The following FNDC8 variants were observed in gnomAD, a reference collection of about 807,000 sequenced individuals.
FNDC8 encodes fibronectin type III domain-containing protein 8.
Under a neutral mutation model 24.8 loss-of-function variants are expected in FNDC8, and 23 were observed. That is an observed-to-expected ratio of 0.93 (90% CI 0.67 to 1.31). The LOEUF (loss-of-function observed/expected upper bound fraction) is 1.31, where lower values mean the gene tolerates loss of function less well. FNDC8 is among the 40% of genes most tolerant of loss of function. The probability of loss-of-function intolerance (pLI) is 0.00; values close to 1 mark genes in which losing one functional copy is unlikely to be tolerated. For synonymous variants in FNDC8, 158 were observed against 165.3 expected, an observed-to-expected ratio of 0.96 and a Z score of 0.34; for missense variants, 371 against 398.2, an observed-to-expected ratio of 0.93 and a Z score of 0.58.
rs757559867 is a variant in FNDC8 at position 35,121,856 on chromosome 17, A to G, written c.163A>G (p.Lys55Glu). The G allele has an allele frequency of 6.2e-7, 1 of 1,613,616 alleles. No individual in the cohort carries two copies. Among genetic ancestry groups the G allele is most frequent in the Non-Finnish European group, 8.5e-7 (1 of 1,179,922 alleles). ...VTTKGLPLASKGNLVNFLEDD... is the reference protein window; with the variant it reads ...VTTKGLPLASEGNLVNFLEDD... The stretch of plus-strand genomic sequence containing the variant: ...TACCAAAGGACTCCCACTAGCCTCA[A>G]AGGGCAATTTGGTCAACTTCTTGGA... The change falls in exon 1 of 4, where the codon AAG becomes GAG. Residue 55 changes from lysine (K) to glutamate (E), a missense_variant. Lys to Glu is a moderately conservative substitution (Grantham distance 56). Transcript: ENST00000158009.
chr17:35,126,497 C>CATTTTTTTT lies in FNDC8; in HGVS notation c.210-545_210-544insATTTTTTTT, dbSNP rs1555571324. On this transcript the variant is annotated intron_variant, in intron 1 of 3. Coordinates refer to ENST00000158009, the MANE Select transcript of FNDC8 (RefSeq NM_017559.4). ...AACACTTGCATCAGGATTTTCTAAGCTTTTTTTTTTTTTTTTTTTTTTTGA... is the reference window on the plus strand; with the variant it reads ...AACACTTGCATCAGGATTTTCTAAGCATTTTTTTTTTTTTTTTTTTTTTTTTTTTTTTGA... Among the ~76,000 whole-genome samples, 6 of 112,048 alleles carry CATTTTTTTT rather than the reference C, an allele frequency of 5.4e-5. 1 individual carries two copies. Among genetic ancestry groups the CATTTTTTTT allele is most frequent in the Non-Finnish European group, 3.6e-5 (2 of 55,106 alleles). 73.5% of individuals were successfully genotyped at this position (112,048 alleles called of 152,430 possible).
intron 1 of FNDC8, among the ~76,000 whole-genome samples, chr17:35,125,836 G>T (rs1388288763): frequency 4.6e-5 from 7 of 152,134 alleles, no homozygotes; most frequent in African/African-American, 1.7e-4. Context: ...TGATATTTTT[G>T]TATAAGTCTA....
intron 1 of FNDC8, 31 bp downstream of exon 1, chr17:35,121,933 CCCTCCCTCCCTCCCTT>C (rs777620966): frequency 5.0e-6 from 7 of 1,400,038 alleles, no homozygotes; most frequent in Admixed American, 3.5e-5. Context: ...CTCCCTCCCT[CCCTCCCTCCCTCCCTT>C]CCTTCCTCCC....
In FNDC8 at chr17:35,130,563, A is replaced by G. The variant is rs1207225228; in HGVS notation, c.*129A>G. The G allele has an allele frequency of 6.1e-6, 6 of 987,122 alleles. No homozygotes were observed. The highest frequency in any genetic ancestry group is 8.7e-6 in the Non-Finnish European group (6 of 685,916). The allele number at this position is 987,122 out of a possible 1,614,324, so 61.1% of individuals were successfully genotyped here. A position where few individuals can be genotyped will look rare whatever the true frequency, so the allele number is the denominator to read the frequency against. ...CGGGGTCTGGCAGAGTGGTATGGGC[A>G]CCCCACCCCTGGGCTGGGGCCAAGG... On this transcript the variant is annotated 3_prime_UTR_variant, in exon 4 of 4. Transcript: ENST00000158009.
chr17:35,127,318 G>A lies in FNDC8; in HGVS notation c.486G>A (p.Glu162=). 3 of 1,613,438 alleles carry A rather than the reference G, an allele frequency of 1.9e-6. No homozygotes were observed. Among genetic ancestry groups the A allele is most frequent in the Non-Finnish European group, 2.5e-6 (3 of 1,179,734 alleles). ...TGGACCTTGACAACCCTGAGCTGGA[G>A]ACAGAAACCTCCTCAACGCACTCAG... ...GLLDLDNPEL[E]TETSSTHSES... Residue 162 remains glutamate (E), a synonymous_variant, in exon 2 of 4, where the codon GAG becomes GAA. Transcript: ENST00000158009.
chr17:35,123,678 C>A (rs543393303), intron 1 of FNDC8, among the ~76,000 whole-genome samples: 2 of 151,912 alleles, frequency 1.3e-5, no homozygotes, highest in South Asian at 4.2e-4. Context: ...GTGGAGGTCG[C>A]AGTGAGCCAA....
chr17:35,126,999 T>C (rs745474694), intron 1 of FNDC8, 43 bp from the exon 2 acceptor site: 21 of 1,535,078 alleles, frequency 1.4e-5, no homozygotes, highest in Non-Finnish European at 1.8e-5. Context: ...CGGGCTGGGG[T>C]GGCCTCCTTC....
At chr17:35,130,230 C>A in intron 3 of FNDC8, 52 bp from the exon 4 acceptor site, 2 of 1,590,564 alleles carry the variant, frequency 1.3e-6, no homozygotes, top group Non-Finnish European at 1.7e-6. Context: ...AGAGAGAGAG[C>A]CAGGTTCAGA....
chr17:35,127,457 G>A, intron 2 of FNDC8, 40 bp downstream of exon 2: 1 of 1,508,898 alleles, frequency 6.6e-7, no homozygotes, highest in Non-Finnish European at 8.8e-7. Context: ...GAGGCTTATT[G>A]TGCCAGGCAC....
At position 35,130,406 on chromosome 17, in the gene FNDC8, A is replaced by C. The variant is rs543199253; in HGVS notation, c.947A>C (p.Glu316Ala). The change falls in exon 4 of 4, where the codon GAG (glutamate) becomes GCG (alanine). Residue 316 changes from glutamate to alanine, a missense_variant. Physicochemically the swap from Glu to Ala is moderately radical, Grantham distance 107. Transcript: ENST00000158009. Reference protein sequence around the residue: ...SIGPEEMRRLEDLEYLFPC With the variant: ...SIGPEEMRRLADLEYLFPC Reference sequence around the variant, plus strand: ...GGGCCGGAGGAGATGCGGAGGCTGGAGGATCTGGAATACCTATTTCCCTGT... The same window carrying C: ...GGGCCGGAGGAGATGCGGAGGCTGGCGGATCTGGAATACCTATTTCCCTGT... The C allele has an allele frequency of 3.2e-5, 51 of 1,613,934 alleles. No homozygotes were observed. Among genetic ancestry groups the C allele is most frequent in the Non-Finnish European group, 1.9e-5 (22 of 1,179,980 alleles).
In FNDC8 at chr17:35,127,051, G is replaced by A. The variant is rs201621990; in HGVS notation, c.219G>A (p.Leu73=). 1 of 1,582,234 alleles carries A rather than the reference G, an allele frequency of 6.3e-7. No homozygotes were observed. The highest frequency in any genetic ancestry group is 8.6e-7 in the Non-Finnish European group (1 of 1,159,356). ...EDDTINLLKP[L]PVEDSDCSSD... is the part of the protein sequence containing the mutation. ...TCCCCTTTTGCTCCAGGAAGCCGCT[G>A]CCAGTAGAGGATTCAGACTGCAGCT... The change falls in exon 2 of 4, where the codon CTG becomes CTA. Residue 73 remains leucine, a synonymous_variant. Transcript: ENST00000158009.
At chr17:35,126,944 T>C in intron 1 of FNDC8, 98 bp from the exon 2 acceptor site, 1 of 1,450,316 alleles carries the variant, frequency 6.9e-7, no homozygotes, top group Non-Finnish European at 9.2e-7. Context: ...TGCAAATGGC[T>C]GGGGATGCTG....
rs368394025 is a variant in FNDC8, at chr17:35,127,184, C to T, written c.352C>T (p.Leu118=). ...CTTTGCAGGGATGCTGGAGGGGGAG[C>T]TGAACAAACTCAGCTTCTCCCCAAT... The part of the protein sequence containing the change: ...SFFAGMLEGE[L]NKLSFSPMAK... The change falls in exon 2 of 4, where the codon CTG becomes TTG. Residue 118 remains leucine, a synonymous_variant. Coordinates refer to ENST00000158009, the MANE Select transcript of FNDC8 (RefSeq NM_017559.4). 6.2e-7 allele frequency: 1 copy of T among 1,614,066 alleles called. No individual in the cohort carries two copies. Among genetic ancestry groups the T allele is most frequent in the African/African-American group, 1.3e-5 (1 of 74,934 alleles).
Position 35,121,891 on chromosome 17 carries a change from C to T in FNDC8, c.198C>T (p.Thr66=). ...GNLVNFLEDD[T]INLLKPLPVE... ...TGGTCAACTTCTTGGAGGATGATAC[C>T]ATCAACCTACTGTAAGTCACAAATC... Residue 66 remains threonine, a synonymous_variant, in exon 1 of 4, where the codon ACC becomes ACT. Transcript: ENST00000158009. 6.2e-7 allele frequency: 1 copy of T among 1,612,182 alleles called. No homozygotes were observed. Among genetic ancestry groups the T allele is most frequent in the South Asian group, 1.1e-5 (1 of 91,004 alleles).
intron 1 of FNDC8, among the ~76,000 whole-genome samples, chr17:35,125,632 A>G (rs1054176027): frequency 6.6e-6 from 1 of 152,196 alleles, no homozygotes; most frequent in Non-Finnish European, 1.5e-5. Context: ...GATAACATAA[A>G]TATGTAAGAA....
Position 35,130,339 on chromosome 17 carries a change from A to G in FNDC8, c.880A>G (p.Thr294Ala), listed in dbSNP as rs531208768. The change falls in exon 4 of 4, where the codon ACC (threonine) becomes GCC (alanine). Residue 294 changes from threonine to alanine, a missense_variant. Coordinates refer to ENST00000158009, the MANE Select transcript of FNDC8 (RefSeq NM_017559.4). ...TCCTGAGAACTACCCCATCCAGATCACCGTGCGGCGCAAGGAACCCCGGCA... is the reference window on the plus strand; with the variant it reads ...TCCTGAGAACTACCCCATCCAGATCGCCGTGCGGCGCAAGGAACCCCGGCA... ...SFPENYPIQI[T>A]VRRKEPRQKI... 15 of 1,613,954 alleles carry G rather than the reference A, an allele frequency of 9.3e-6. No homozygotes were observed. In the African/African-American group the frequency reaches 1.5e-4, roughly 16 times the overall value.
At chr17:35,122,590 A>G (rs549197469) in intron 1 of FNDC8, among the ~76,000 whole-genome samples, 80 of 152,124 alleles carry the variant, frequency 5.3e-4, no homozygotes, top group African/African-American at 1.9e-3. Flanking sequence ...GGTCCTCACC[A>G]TCACCAAATC....
Position 35,129,628 on chromosome 17 carries a change from T to G in FNDC8, c.792T>G (p.Ala264=), listed in dbSNP as rs1218953625. 86 of 1,613,852 alleles carry G rather than the reference T, an allele frequency of 5.3e-5. No individual in the cohort carries two copies. Among genetic ancestry groups the G allele is most frequent in the Non-Finnish European group, 7.2e-5 (85 of 1,180,000 alleles). ...YCLSVRAANT[A]GVGKWCKPYK... ...TCAGTGTCCGTGCAGCCAACACAGC[T>G]GGGGTGGGGAAGTGGTGCAAGCCCT... Residue 264 remains alanine (A), a synonymous_variant, in exon 3 of 4, where the codon GCT becomes GCG. Transcript: ENST00000158009.
At chr17:35,121,969 CCCTT>C (rs1316021924) in intron 1 of FNDC8, 67 bp downstream of exon 1, 184 of 1,110,394 alleles carry the variant, frequency 1.7e-4, no homozygotes, top group African/African-American at 1.1e-3. Flanking sequence ...CTTCCTTCCT[CCCTT>C]CCTTCCTTCC....
Sources: allele counts gnomAD v4.1 joint callset (sites outside exome capture counted in the v4.1 genomes callset), GRCh38; gene constraint gnomAD v4.1.1; transcripts MANE v1.5; gene names NCBI Gene and HGNC (gene_info 2026-07-23, HGNC 2026-07-21).